The following PPP2CA variants were observed in gnomAD, a reference collection of about 807,000 sequenced individuals.
PPP2CA encodes the protein serine/threonine-protein phosphatase 2A catalytic subunit alpha isoform.
Under a neutral mutation model 38.8 loss-of-function variants are expected in PPP2CA, and 5 were observed. The ratio of observed to expected loss-of-function variants is 0.13; its 90% confidence interval spans 0.07 to 0.27. The LOEUF is 0.27. Ranked by LOEUF, PPP2CA falls within the 10% of genes least tolerant of loss-of-function variation. The probability of loss-of-function intolerance (pLI) is 1.00; values close to 1 mark genes in which losing one functional copy is unlikely to be tolerated. For missense variants in PPP2CA, 88 were observed against 389.7 expected (o/e 0.23, Z 6.52); for synonymous variants, 152 against 134.0 (o/e 1.13, Z -0.93).
At chr5:134,224,403 A>C (rs1762516304) in intron 1 of PPP2CA, 1 of 408,302 alleles carries the variant, frequency 2.4e-6, no homozygotes, top group African/African-American at 2.1e-5. Context: ...TGACTTACTT[A>C]AATTCCAATT....
intron 1 of PPP2CA, among the ~76,000 whole-genome samples, chr5:134,209,424 T>C (rs1289422553): frequency 6.6e-6 from 1 of 152,208 alleles, no homozygotes; most frequent in Non-Finnish European, 1.5e-5. Flanking sequence ...GTTACAACAA[T>C]AAAACAGACT....
intron 1 of PPP2CA, among the ~76,000 whole-genome samples, chr5:134,214,808 T>C (rs759390716): frequency 6.6e-6 from 1 of 152,148 alleles, no homozygotes; most frequent in Non-Finnish European, 1.5e-5. Context: ...AAATTTTCTA[T>C]GCCCATTTTT....
At position 134,197,742 on chromosome 5, in the gene PPP2CA, A is replaced by G; in HGVS notation, c.*30T>C. 2 of 1,555,576 alleles carry G rather than the reference A, an allele frequency of 1.3e-6. No individual in the cohort carries two copies. The highest frequency in any genetic ancestry group is 2.2e-5 in the South Asian group (2 of 89,534). Reference sequence around the variant, plus strand: ...TTTCCATTAGGTCGATATATGGTTCATGGCAATACTGTACAAGTTTAAAAT... The same window carrying G: ...TTTCCATTAGGTCGATATATGGTTCGTGGCAATACTGTACAAGTTTAAAAT... On this transcript the variant is annotated 3_prime_UTR_variant, in exon 7 of 7. Transcript: ENST00000481195.
chr5:134,201,790 A>C (rs1486108129), intron 3 of PPP2CA, 58 bp downstream of exon 3: 1 of 1,552,010 alleles, frequency 6.4e-7, no homozygotes, highest in Non-Finnish European at 8.8e-7. Context: ...TAAGCACCTG[A>C]ACACTAAAGA....
intron 1 of PPP2CA, among the ~76,000 whole-genome samples, chr5:134,221,998 A>C (rs1005589067): frequency 2.0e-5 from 3 of 148,872 alleles, no homozygotes; most frequent in African/African-American, 7.4e-5. Context: ...GTTTTATTTT[A>C]TGAAAGTGTT....
chr5:134,200,592 T>C, intron 4 of PPP2CA, 96 bp from the exon 5 acceptor site: 3 of 1,328,454 alleles, frequency 2.3e-6, no homozygotes, highest in Non-Finnish European at 3.1e-6. Context: ...AGCCACCCTT[T>C]TTGAGTGATG....
intron 1 of PPP2CA, among the ~76,000 whole-genome samples, chr5:134,222,267 T>A (rs561569680): frequency 1.3e-5 from 2 of 152,258 alleles, no homozygotes; most frequent in South Asian, 4.1e-4. Context: ...CACCTGCTTG[T>A]CCTCAATATT....
intron 1 of PPP2CA, among the ~76,000 whole-genome samples, chr5:134,222,242 G>A (rs1352315786): frequency 6.6e-6 from 1 of 152,098 alleles, no homozygotes; most frequent in East Asian, 1.9e-4. Context: ...ATAATGTTCT[G>A]TAACATGCTT....
chr5:134,209,239 T>C (rs1198441840), intron 1 of PPP2CA, among the ~76,000 whole-genome samples: 1 of 151,152 alleles, frequency 6.6e-6, no homozygotes, highest in South Asian at 2.1e-4. Flanking sequence ...GCGATAACAG[T>C]GGTATACAGT....
At chr5:134,202,148 A>G (rs1761980663) in intron 2 of PPP2CA, 127 bp from the exon 3 acceptor site, 18 of 886,252 alleles carry the variant, frequency 2.0e-5, no homozygotes, top group Non-Finnish European at 3.0e-5. Context: ...TCCTCATATC[A>G]TAGTGAACCA....
intron 1 of PPP2CA, among the ~76,000 whole-genome samples, chr5:134,210,023 A>G (rs1762172014): frequency 6.6e-6 from 1 of 151,998 alleles, no homozygotes; most frequent in Non-Finnish European, 1.5e-5. Context: ...GGATGCAGTC[A>G]GCCATGATCA....
chr5:134,198,142 G>A (rs1049273729), intron 6 of PPP2CA, among the ~76,000 whole-genome samples: 16 of 152,170 alleles, frequency 1.1e-4, no homozygotes, highest in African/African-American at 3.4e-4. Flanking sequence ...TGTAATCCCA[G>A]CACTTTGGGA....
At chr5:134,221,633 C>T (rs936456403) in intron 1 of PPP2CA, among the ~76,000 whole-genome samples, 12 of 152,022 alleles carry the variant, frequency 7.9e-5, no homozygotes, top group Non-Finnish European at 8.8e-5. Flanking sequence ...AGAGGAACAA[C>T]AGTATGTAAC....
chr5:134,225,347 T>G, intron 1 of PPP2CA: 1 of 177,710 alleles, frequency 5.6e-6, no homozygotes, highest in Non-Finnish European at 1.2e-5. Context: ...GCTCTGGACC[T>G]AACTAGGCCT....
At chr5:134,203,710 T>C (rs188090550) in intron 2 of PPP2CA, 1 of 152,360 alleles carries the variant, frequency 6.6e-6, no homozygotes, top group Admixed American at 6.5e-5. Flanking sequence ...ATTCAGCCCA[T>C]TAACCTCCAT....
At chr5:134,198,610 G>A (rs1761909314) in intron 6 of PPP2CA, among the ~76,000 whole-genome samples, 1 of 152,092 alleles carries the variant, frequency 6.6e-6, no homozygotes, top group Admixed American at 6.5e-5. Flanking sequence ...CTGTTGCCCA[G>A]GCTGGAACGC....
At position 134,195,160 on chromosome 5, in the gene PPP2CA, C is replaced by A. The variant is rs559758451; in HGVS notation, c.*2612G>T. 6.6e-6 allele frequency: 1 copy of A among 152,300 alleles called. No individual in the cohort carries two copies. The highest frequency in any genetic ancestry group is 6.5e-5 in the Admixed American group (1 of 15,292). 9.4% of individuals were successfully genotyped at this position (152,300 alleles called of 1,614,324 possible). A position where few individuals can be genotyped will look rare whatever the true frequency, so the allele number is the denominator to read the frequency against. ...ATGAAAAAATCATGTCTAGGATACTCAACCCAAGACATGAGCACATCATGT... is the reference window on the plus strand; with the variant it reads ...ATGAAAAAATCATGTCTAGGATACTAAACCCAAGACATGAGCACATCATGT... On this transcript the variant is annotated 3_prime_UTR_variant, in exon 7 of 7. Coordinates refer to ENST00000481195, the MANE Select transcript of PPP2CA (RefSeq NM_002715.4).
At chr5:134,200,819 G>C (rs1489510188) in intron 4 of PPP2CA, among the ~76,000 whole-genome samples, 166 bp downstream of exon 4, 1 of 152,222 alleles carries the variant, frequency 6.6e-6, no homozygotes. Context: ...GATCTTGGCA[G>C]GTTTCTTAAT....
intron 6 of PPP2CA, among the ~76,000 whole-genome samples, chr5:134,198,518 AAAAAC>A (rs1761905327): frequency 1.3e-5 from 2 of 152,258 alleles, no homozygotes; most frequent in African/African-American, 4.8e-5. Flanking sequence ...CCATTAAAAA[AAAAAC>A]AAAACTTAAA....
Sources: allele counts gnomAD v4.1 joint callset (sites outside exome capture counted in the v4.1 genomes callset), GRCh38; gene constraint gnomAD v4.1.1; transcripts MANE v1.5; gene names NCBI Gene and HGNC (gene_info 2026-07-23, HGNC 2026-07-21).